WDFY2: variants seen among roughly 807,000 people sequenced by gnomAD.
WDFY2 encodes WD repeat and FYVE domain-containing protein 2.
WDFY2 carries 36 observed loss-of-function variants against 56.4 expected under a neutral mutation model. The ratio of observed to expected loss-of-function variants is 0.64; its 90% CI spans 0.49 to 0.84. The LOEUF (loss-of-function observed/expected upper bound fraction) is 0.84, where lower values mean the gene tolerates loss of function less well. WDFY2 is among the 40% of genes least tolerant of loss of function. WDFY2 has a pLI of 0.00. For synonymous variants in WDFY2, 176 were observed against 183.7 expected (o/e 0.96, Z 0.34); for missense variants, 444 against 512.2 (o/e 0.87, Z 1.29).
At chr13:51,758,103 C>A in intron 10 of WDFY2, 89 bp from the exon 11 acceptor site, 1 of 1,035,470 alleles carries the variant, frequency 9.7e-7, no homozygotes, top group South Asian at 2.4e-5. Context: ...AGCCACGAGG[C>A]CAAAATTTAG....
At chr13:51,620,069 C>T (rs765768715) in intron 1 of WDFY2, among the ~76,000 whole-genome samples, 1 of 152,184 alleles carries the variant, frequency 6.6e-6, no homozygotes, top group Non-Finnish European at 1.5e-5. Context: ...TACAGAAATA[C>T]AGGAGGGGAG....
At chr13:51,595,609 G>A (rs1020129425) in intron 1 of WDFY2, among the ~76,000 whole-genome samples, 1 of 152,106 alleles carries the variant, frequency 6.6e-6, no homozygotes, top group Non-Finnish European at 1.5e-5. Flanking sequence ...AGCAGCACAC[G>A]AGACCCAGAA....
intron 1 of WDFY2, among the ~76,000 whole-genome samples, chr13:51,656,367 T>G (rs1955509461): frequency 6.6e-6 from 1 of 152,024 alleles, no homozygotes; most frequent in African/African-American, 2.4e-5. Context: ...CTTTGTATGA[T>G]TTCAATTTTA....
intron 7 of WDFY2, among the ~76,000 whole-genome samples, chr13:51,739,671 G>T (rs1952922357): frequency 6.6e-6 from 1 of 152,190 alleles, no homozygotes; most frequent in Non-Finnish European, 1.5e-5. Flanking sequence ...TTTCCTTAAA[G>T]GATAGATTTT....
intron 2 of WDFY2, among the ~76,000 whole-genome samples, chr13:51,667,337 A>G (rs1181411279): frequency 2.0e-5 from 3 of 152,300 alleles, no homozygotes; most frequent in Admixed American, 6.5e-5. Flanking sequence ...TAATGTGTAT[A>G]TGCTTTTATC....
At chr13:51,680,098 G>A (rs562030065) in intron 3 of WDFY2, among the ~76,000 whole-genome samples, 3 of 151,988 alleles carry the variant, frequency 2.0e-5, no homozygotes, top group Admixed American at 6.6e-5. Flanking sequence ...CTCATTTCAC[G>A]GATGTTTATT....
chr13:51,636,532 G>T (rs914913120), intron 1 of WDFY2, among the ~76,000 whole-genome samples: 1 of 152,236 alleles, frequency 6.6e-6, no homozygotes, highest in Admixed American at 6.5e-5. Flanking sequence ...GCAATTACCC[G>T]GGGTCAGGTA....
intron 6 of WDFY2, among the ~76,000 whole-genome samples, chr13:51,729,887 A>G (rs1453648127): frequency 6.6e-6 from 1 of 152,224 alleles, no homozygotes; most frequent in Non-Finnish European, 1.5e-5. Context: ...GACATTAACT[A>G]CATTCACACT....
In WDFY2 at chr13:51,589,962, G is replaced by A. The variant is rs1035603280; in HGVS notation, c.137+5138G>A. The A allele has an allele frequency of 9.9e-5, 15 of 152,254 alleles. 1 individual carries two copies. The South Asian group carries it at 3.1e-3, about 32-fold the overall frequency. 9.4% of individuals were successfully genotyped at this position (152,254 alleles called of 1,614,324 possible). ...ATCTTTCTGGGAACAGGCTGCCTCTGTGTTTCCAAAGGTCAGAAATAGACT... is the reference window on the plus strand; with the variant it reads ...ATCTTTCTGGGAACAGGCTGCCTCTATGTTTCCAAAGGTCAGAAATAGACT... On this transcript the variant is annotated intron_variant, in intron 1 of 11. Transcript: ENST00000298125.
chr13:51,689,692 G>A (rs1223311569), intron 3 of WDFY2, among the ~76,000 whole-genome samples: 1 of 152,114 alleles, frequency 6.6e-6, no homozygotes, highest in African/African-American at 2.4e-5. Flanking sequence ...GAGGAAAAAG[G>A]CACGTACCCT....
chr13:51,725,657 C>CAT (rs1304681711), intron 5 of WDFY2, among the ~76,000 whole-genome samples: 1 of 150,074 alleles, frequency 6.7e-6, no homozygotes, highest in African/African-American at 2.5e-5. Flanking sequence ...TATGTATATA[C>CAT]ATATGTGTGT....
At chr13:51,721,073 C>A (rs1174189478) in intron 5 of WDFY2, among the ~76,000 whole-genome samples, 1 of 152,082 alleles carries the variant, frequency 6.6e-6, no homozygotes, top group African/African-American at 2.4e-5. Flanking sequence ...GTATGTATAT[C>A]ACATCATCAC....
At chr13:51,731,832 G>A (rs914825288) in intron 6 of WDFY2, among the ~76,000 whole-genome samples, 8 of 152,172 alleles carry the variant, frequency 5.3e-5, no homozygotes, top group African/African-American at 1.9e-4. Context: ...GAAGCAGACA[G>A]GTCTTCAGTA....
intron 1 of WDFY2, among the ~76,000 whole-genome samples, chr13:51,654,228 G>A (rs1227422712): frequency 3.9e-5 from 6 of 152,206 alleles, no homozygotes; most frequent in Non-Finnish European, 7.3e-5. Flanking sequence ...ATCTCCTAGT[G>A]TGCCGTTTGC....
intron 1 of WDFY2, among the ~76,000 whole-genome samples, chr13:51,618,586 T>G (rs568476672): frequency 2.6e-5 from 4 of 152,248 alleles, no homozygotes; most frequent in African/African-American, 9.6e-5. Flanking sequence ...TTGAAAATGA[T>G]TAGTGAGTGT....
chr13:51,754,200 T>G (rs1055406092), intron 8 of WDFY2, among the ~76,000 whole-genome samples: 1 of 152,124 alleles, frequency 6.6e-6, no homozygotes. Flanking sequence ...CTGTTTCTTG[T>G]GTTGCTTCTG....
At chr13:51,674,311 G>C (rs1955851966) in intron 2 of WDFY2, among the ~76,000 whole-genome samples, 1 of 152,202 alleles carries the variant, frequency 6.6e-6, no homozygotes, top group African/African-American at 2.4e-5. Flanking sequence ...AAATATTTCA[G>C]TATTGGGTAA....
chr13:51,584,926 T>C, intron 1 of WDFY2, 102 bp downstream of exon 1: 2 of 1,486,130 alleles, frequency 1.3e-6, no homozygotes, highest in Non-Finnish European at 1.8e-6. Context: ...GAGTGTAGAC[T>C]TGCTCCCCCA....
At chr13:51,692,709 A>C (rs548671385) in intron 3 of WDFY2, among the ~76,000 whole-genome samples, 67 of 152,328 alleles carry the variant, frequency 4.4e-4, no homozygotes, top group African/African-American at 1.4e-3. Context: ...CTGGCCTCAT[A>C]AAATGAGTTA....
Sources: gnomAD v4.1 joint callset for allele counts (sites outside exome capture counted in the v4.1 genomes callset) on GRCh38, gnomAD v4.1.1 for gene constraint, MANE v1.5 for transcripts, NCBI Gene and HGNC (gene_info 2026-07-23, HGNC 2026-07-21) for gene names.